The following NUMA1 variants were observed in gnomAD, a reference collection of about 807,000 sequenced individuals.
The protein encoded by NUMA1 is SP-H antigen.
A neutral mutation model predicts 237.1 loss-of-function variants in NUMA1; 62 were observed. The ratio of observed to expected loss-of-function variants is 0.26; its 90% CI spans 0.21 to 0.32. The LOEUF (loss-of-function observed/expected upper bound fraction) is 0.32, where lower values mean the gene tolerates loss of function less well. Ranked by LOEUF, NUMA1 falls within the 10% of genes least tolerant of loss-of-function variation. The probability of loss-of-function intolerance (pLI) is 1.00; values close to 1 mark genes in which losing one functional copy is unlikely to be tolerated. For synonymous variants in NUMA1, 1,028 were observed against 1,066.1 expected, an observed-to-expected ratio of 0.96 and a Z score of 0.70; for missense variants, 2,533 against 2,666.5, an observed-to-expected ratio of 0.95 and a Z score of 1.10.
chr11:72,062,657 T>C (rs1943006011), intron 2 of NUMA1: 1 of 151,710 alleles, frequency 6.6e-6, no homozygotes, highest in African/African-American at 2.4e-5. Context: ...GAGGTTGCAG[T>C]GAGCCGAGAT....
intron 4 of NUMA1, 152 bp from the exon 5 acceptor site, chr11:72,024,505 C>G: frequency 1.5e-6 from 1 of 672,648 alleles, no homozygotes; most frequent in South Asian, 1.7e-5. Flanking sequence ...GTGACAGATA[C>G]CAGGACACCA....
chr11:72,017,630 G>C (rs1938048181), intron 13 of NUMA1, 57 bp downstream of exon 13: 1 of 1,602,576 alleles, frequency 6.2e-7, no homozygotes, highest in Admixed American at 1.7e-5. Flanking sequence ...GTGGTAAACT[G>C]GACTCAGCTT....
At chr11:72,076,305 CA>C (rs1250942731) in intron 1 of NUMA1, among the ~76,000 whole-genome samples, 1 of 152,120 alleles carries the variant, frequency 6.6e-6, no homozygotes, top group Non-Finnish European at 1.5e-5. Flanking sequence ...GCCCAGGAGG[CA>C]GAGGTTGCAG....
At position 72,028,167 on chromosome 11, in the gene NUMA1, C is replaced by T. The variant is rs1016588376; in HGVS notation, c.128+1038G>A. On this transcript the variant is annotated intron_variant, in intron 4 of 26. Transcript: ENST00000393695. ...TTGCTGATAGAGAACACCAACTCAT[C>T]TCTTCACTCAACAAACATTCACTAA... is the stretch of plus-strand genomic sequence containing the variant. 3.3e-5 allele frequency among the ~76,000 whole-genome samples: 5 copies of T among 152,344 alleles called. No individual in the cohort carries two copies. The South Asian group carries it at 1.0e-3, about 32-fold the overall frequency.
chr11:72,005,088 G>C (rs1215933662), intron 23 of NUMA1, 145 bp downstream of exon 23: 1 of 996,060 alleles, frequency 1.0e-6, no homozygotes, highest in African/African-American at 1.7e-5. Flanking sequence ...CCAGCTGTCT[G>C]TTCCACCTGG....
At chr11:72,048,597 T>G (rs1177552448) in intron 2 of NUMA1, among the ~76,000 whole-genome samples, 1 of 152,176 alleles carries the variant, frequency 6.6e-6, no homozygotes, top group Non-Finnish European at 1.5e-5. Context: ...GGGCTTGAAC[T>G]CCTTACCTCA....
chr11:72,035,552 T>C (rs886796882), intron 3 of NUMA1, among the ~76,000 whole-genome samples: 3 of 151,728 alleles, frequency 2.0e-5, no homozygotes, highest in Non-Finnish European at 4.4e-5. Flanking sequence ...GGATTACAGG[T>C]GCCCGCCACC....
intron 13 of NUMA1, 85 bp from the exon 14 acceptor site, chr11:72,016,615 TG>T (rs1321793343): frequency 6.7e-7 from 1 of 1,499,574 alleles, no homozygotes; most frequent in African/African-American, 1.4e-5. Flanking sequence ...TCAGCAAACA[TG>T]GGGCCCATCA....
chr11:72,056,550 C>G (rs541228), intron 2 of NUMA1, among the ~76,000 whole-genome samples: 137,988 of 148,802 alleles, frequency 0.93, 64,231 homozygotes, highest in Non-Finnish European at 0.98. Flanking sequence ...TTGAACTCCT[C>G]ACCTTGTGAT....
chr11:72,073,337 A>C (rs1943553664), intron 1 of NUMA1, among the ~76,000 whole-genome samples: 1 of 151,308 alleles, frequency 6.6e-6, no homozygotes, highest in Admixed American at 6.6e-5. Flanking sequence ...TGCCCACAGT[A>C]GGAGGTAGAG....
chr11:72,004,123 G>A (rs765467147), intron 25 of NUMA1, 24 bp from the exon 26 acceptor site: 18 of 1,612,508 alleles, frequency 1.1e-5, no homozygotes, highest in East Asian at 6.7e-5. Flanking sequence ...CTGTCAGACC[G>A]GGAGACCCAA....
chr11:72,019,515 G>C lies in NUMA1; in HGVS notation c.563C>G (p.Ala188Gly). The change falls in exon 9 of 27, where the codon GCC becomes GGC. Residue 188 changes from alanine to glycine, a missense_variant. Physicochemically the swap from Ala to Gly is moderately conservative, Grantham distance 60 (BLOSUM62 0). Transcript: ENST00000393695. ...EIRFLELQKV[A>G]SSSSGNNFLS... is the part of the protein sequence containing the mutation. ...ATACTTGTTCCCACTGGAAGAGGAG[G>C]CAACCTTCTGTAGCTCTAGGAAGCG... 1 of 1,613,606 alleles carries C rather than the reference G, an allele frequency of 6.2e-7. No individual in the cohort carries two copies. Among genetic ancestry groups the C allele is most frequent in the Non-Finnish European group, 8.5e-7 (1 of 1,179,660 alleles).
At chr11:72,040,920 G>A (rs1159619094) in intron 2 of NUMA1, 1 of 152,080 alleles carries the variant, frequency 6.6e-6, no homozygotes, top group African/African-American at 2.4e-5. Context: ...CCCAGAGAAA[G>A]AGTGAGGGAG....
chr11:72,042,959 T>A (rs921014171), intron 2 of NUMA1, among the ~76,000 whole-genome samples: 37 of 151,036 alleles, frequency 2.4e-4, no homozygotes, highest in African/African-American at 8.3e-4. Flanking sequence ...ACAAAAAATT[T>A]CATGAATAAA....
At position 72,007,219 on chromosome 11, in the gene NUMA1, G is replaced by A. The variant is rs780538460; in HGVS notation, c.5433C>T (p.Thr1811=). ...TCATGGTGATGTTGATGATCTGCGT[G>A]GTGCGCCGACGAGCGGAGCGGGTCT... ...GRKTRSARRR[T]TQIINITMTK... Residue 1811 remains threonine, a synonymous_variant, in exon 21 of 27, where the codon ACC becomes ACT. Coordinates refer to ENST00000393695, the MANE Select transcript of NUMA1 (RefSeq NM_006185.4). The A allele has an allele frequency of 8.1e-6, 13 of 1,611,596 alleles. No homozygotes were observed. The South Asian group carries it at 1.3e-4, about 16-fold the overall frequency.
chr11:72,020,215 CAT>C (rs1491302126), intron 8 of NUMA1: 2 of 152,350 alleles, frequency 1.3e-5, no homozygotes, highest in Non-Finnish European at 2.9e-5. Context: ...TGGCTCTGCC[CAT>C]AGTGCCCACG....
intron 26 of NUMA1, 36 bp downstream of exon 26, chr11:72,003,851 T>A (rs775324210): frequency 1.2e-6 from 2 of 1,605,462 alleles, no homozygotes; most frequent in Non-Finnish European, 1.7e-6. Flanking sequence ...CATGCTCTCA[T>A]CGGGTTTCCC....
intron 2 of NUMA1, among the ~76,000 whole-genome samples, chr11:72,051,502 A>T (rs1329787921): frequency 1.4e-5 from 2 of 139,948 alleles, no homozygotes; most frequent in South Asian, 2.2e-4. Flanking sequence ...ACAAGGTCTC[A>T]CTCTGCTGCC....
Position 72,018,854 on chromosome 11 carries a change from T to G in NUMA1, c.711A>C (p.Leu237=). Reference sequence around the variant, plus strand: ...CGGTGAGGAGCTTGCGGTTCTCAGCTAGCTCCAGCTCCAGCTCATCCCTAT... The same window carrying G: ...CGGTGAGGAGCTTGCGGTTCTCAGCGAGCTCCAGCTCCAGCTCATCCCTAT... ...RSNRDELELE[L]AENRKLLTEK... Residue 237 remains leucine (L), a synonymous_variant, in exon 10 of 27, where the codon CTA becomes CTC. Coordinates refer to ENST00000393695, the MANE Select transcript of NUMA1 (RefSeq NM_006185.4). The G allele has an allele frequency of 2.5e-6, 4 of 1,612,806 alleles. No homozygotes were observed. The African/African-American group carries it at 4.0e-5, about 16-fold the overall frequency.
Sources: allele counts gnomAD v4.1 joint callset (sites outside exome capture counted in the v4.1 genomes callset), GRCh38; gene constraint gnomAD v4.1.1; transcripts MANE v1.5; gene names NCBI Gene and HGNC (gene_info 2026-07-23, HGNC 2026-07-21).